NBEA: variants seen among roughly 807,000 people sequenced by gnomAD.
NBEA encodes neurobeachin, also known as lysosomal-trafficking regulator 2.
In NBEA, 44 loss-of-function variants were observed where a neutral mutation model predicts 343.4. That is an observed-to-expected ratio of 0.13 (90% CI 0.10 to 0.16). The LOEUF is 0.16. Ranked by LOEUF, NBEA falls within the 10% of genes least tolerant of loss-of-function variation. The pLI is 1.00. For missense variants in NBEA, 2,555 were observed against 3,631.3 expected (o/e 0.70, Z 7.62); for synonymous variants, 1,175 against 1,238.7 (o/e 0.95, Z 1.08).
intron 57 of NBEA, 36 bp from the exon 58 acceptor site, chr13:35,668,332 G>GC: frequency 6.7e-7 from 1 of 1,501,128 alleles, no homozygotes. Flanking sequence ...ATTTTATTTT[G>GC]TTTTTTTTTG....
At chr13:35,481,713 A>C (rs979906266) in intron 41 of NBEA, among the ~76,000 whole-genome samples, 4 of 151,882 alleles carry the variant, frequency 2.6e-5, no homozygotes, top group African/African-American at 9.7e-5. Flanking sequence ...TATTATAGAA[A>C]TATTCAGACA....
intron 10 of NBEA, among the ~76,000 whole-genome samples, chr13:35,082,503 A>G (rs1593281990): frequency 1.3e-5 from 2 of 152,186 alleles, no homozygotes; most frequent in South Asian, 4.1e-4. Flanking sequence ...ACTGACTTCC[A>G]CAATGGTTGA....
intron 41 of NBEA, among the ~76,000 whole-genome samples, chr13:35,483,256 A>G (rs1424595967): frequency 6.6e-6 from 1 of 152,000 alleles, no homozygotes; most frequent in Non-Finnish European, 1.5e-5. Flanking sequence ...CAGCTTACAC[A>G]TCAAAATATG....
At chr13:35,005,238 A>G (rs1244322683) in intron 1 of NBEA, among the ~76,000 whole-genome samples, 1 of 149,104 alleles carries the variant, frequency 6.7e-6, no homozygotes, top group Non-Finnish European at 1.5e-5. Context: ...TTTTCTGACC[A>G]TGATAATAAA....
chr13:34,954,562 T>C (rs1412609991), intron 1 of NBEA, among the ~76,000 whole-genome samples: 1 of 152,172 alleles, frequency 6.6e-6, no homozygotes, highest in African/African-American at 2.4e-5. Context: ...AGTTTTTATT[T>C]TTGAGTGGGG....
chr13:34,948,969 G>A (rs1292811052), intron 1 of NBEA, among the ~76,000 whole-genome samples: 1 of 152,118 alleles, frequency 6.6e-6, no homozygotes, highest in African/African-American at 2.4e-5. Context: ...GAATATTAAA[G>A]CTTTGTAGGT....
chr13:35,157,668 G>A (rs2069266411), intron 21 of NBEA, among the ~76,000 whole-genome samples: 1 of 151,866 alleles, frequency 6.6e-6, no homozygotes, highest in Non-Finnish European at 1.5e-5. Context: ...TAAATACAGT[G>A]TTTAAGTTTA....
rs1364641014 is a variant in NBEA at position 35,176,962 on chromosome 13, T to A, written c.4555-34T>A. On this transcript the variant is annotated intron_variant, in intron 27 of 58. Transcript: ENST00000379939. The stretch of plus-strand genomic sequence containing the variant: ...ATACTTCTATATATTATCTGTAATA[T>A]ATTATCTATTCACAATTCTTTTTAT... 4 of 1,339,344 alleles carry A rather than the reference T, an allele frequency of 3.0e-6. No individual in the cohort carries two copies. The African/African-American group carries it at 5.8e-5, about 20-fold the overall frequency. 83.0% of individuals were successfully genotyped at this position (1,339,344 alleles called of 1,614,324 possible).
At chr13:35,541,167 C>T (rs1177187262) in intron 41 of NBEA, among the ~76,000 whole-genome samples, 1 of 151,306 alleles carries the variant, frequency 6.6e-6, no homozygotes, top group African/African-American at 2.4e-5. Context: ...TATGCACACA[C>T]AGTCTGTGTC....
rs562691704 is a variant in NBEA, at chr13:35,017,199, A to G, written c.295-23734A>G. 5.9e-5 allele frequency among the ~76,000 whole-genome samples: 9 copies of G among 152,316 alleles called. No homozygotes were observed. In the South Asian group the frequency reaches 1.4e-3, roughly 25 times the overall value. Reference sequence around the variant, plus strand: ...TGACACAGTTATTTTTTTTTATTAAATAAAGTGAAGAAACTAGAATTAAGC... The same window carrying G: ...TGACACAGTTATTTTTTTTTATTAAGTAAAGTGAAGAAACTAGAATTAAGC... On this transcript the variant is annotated intron_variant, in intron 1 of 58. Coordinates refer to ENST00000379939, the MANE Select transcript of NBEA (RefSeq NM_001385012.1).
intron 41 of NBEA, chr13:35,476,022 G>A (rs1377363697): frequency 1.9e-6 from 3 of 1,614,182 alleles, no homozygotes; most frequent in South Asian, 1.1e-5. Flanking sequence ...TCAGTACGTC[G>A]GAAACTACTT....
chr13:35,435,832 A>G (rs1022283644), intron 39 of NBEA, among the ~76,000 whole-genome samples: 2 of 152,202 alleles, frequency 1.3e-5, no homozygotes, highest in Non-Finnish European at 2.9e-5. Context: ...CGTTGCTGAA[A>G]CAATGTAAAT....
rs371837067 is a variant in NBEA, at chr13:35,000,558, A to G, written c.295-40375A>G. Among the ~76,000 whole-genome samples the G allele has an allele frequency of 1.0e-4, 15 of 147,742 alleles. No homozygotes were observed. In the East Asian group the frequency reaches 2.6e-3, roughly 25 times the overall value. On this transcript the variant is annotated intron_variant, in intron 1 of 58. Coordinates refer to ENST00000379939, the MANE Select transcript of NBEA (RefSeq NM_001385012.1). ...AGAGATACACACACATTCACTCTAT[A>G]TATGTTATATAGATTATATATTTAT...
intron 1 of NBEA, among the ~76,000 whole-genome samples, chr13:35,038,998 A>G (rs891991154): frequency 6.6e-6 from 1 of 151,914 alleles, no homozygotes; most frequent in East Asian, 1.9e-4. Context: ...CACCAAGAGC[A>G]CTCTGGCCTT....
At chr13:35,028,002 G>C (rs905339264) in intron 1 of NBEA, among the ~76,000 whole-genome samples, 1 of 151,782 alleles carries the variant, frequency 6.6e-6, no homozygotes, top group Non-Finnish European at 1.5e-5. Flanking sequence ...ATTTAGGGCT[G>C]TTTCTGGGTT....
chr13:35,628,626 A>C (rs2153065927), intron 49 of NBEA, among the ~76,000 whole-genome samples: 1 of 152,342 alleles, frequency 6.6e-6, no homozygotes, highest in East Asian at 1.9e-4. Context: ...TAACAGCACA[A>C]GTGCTAGGAT....
At chr13:35,459,021 A>ACC (rs1392502201) in intron 40 of NBEA, among the ~76,000 whole-genome samples, 1 of 83,366 alleles carries the variant, frequency 1.2e-5, no homozygotes, top group African/African-American at 5.4e-5. Flanking sequence ...CCCCCCCCAC[A>ACC]CACACACACA....
intron 45 of NBEA, among the ~76,000 whole-genome samples, chr13:35,571,796 A>G (rs1041078596): frequency 1.3e-5 from 2 of 152,172 alleles, no homozygotes; most frequent in Non-Finnish European, 2.9e-5. Context: ...TGAGTTATCA[A>G]ATTATCAAAA....
intron 41 of NBEA, among the ~76,000 whole-genome samples, chr13:35,481,279 T>A (rs1234962663): frequency 1.3e-5 from 2 of 151,868 alleles, no homozygotes; most frequent in Non-Finnish European, 3.0e-5. Context: ...CTTGTAAGAA[T>A]TGACCACCGC....
Sources: gnomAD v4.1 joint callset for allele counts (sites outside exome capture counted in the v4.1 genomes callset) on GRCh38, gnomAD v4.1.1 for gene constraint, MANE v1.5 for transcripts, NCBI Gene and HGNC (gene_info 2026-07-23, HGNC 2026-07-21) for gene names.